DIAPH1: variants seen among roughly 807,000 people sequenced by gnomAD.
DIAPH1 encodes protein diaphanous homolog 1.
A neutral mutation model predicts 140.7 loss-of-function variants in DIAPH1; 46 were observed. The observed-to-expected ratio is 0.33, with a 90% CI of 0.26 to 0.42. The LOEUF (loss-of-function observed/expected upper bound fraction) is 0.42. Ranked by LOEUF, DIAPH1 falls within the 10% of genes least tolerant of loss-of-function variation. The pLI, the probability that DIAPH1 is intolerant of heterozygous loss-of-function variation, is 1.00. For synonymous variants in DIAPH1, 565 were observed against 551.6 expected (o/e 1.02, Z -0.34); for missense variants, 1,310 against 1,558.7 (o/e 0.84, Z 2.69).
Position 141,573,873 on chromosome 5 carries a change from C to T in DIAPH1, c.1977G>A (p.Glu659=). 1 of 1,533,862 alleles carries T rather than the reference C, an allele frequency of 6.5e-7. No homozygotes were observed. The highest frequency in any genetic ancestry group is 8.8e-7 in the Non-Finnish European group (1 of 1,140,682). ...ATIPPPPPLP[E]GVGIPSPSSL... ...AAGAGGGTGAAGGGATGCCAACACC[C>T]TCAGGCAAAGGAGGGGGTGGAGGGA... The change falls in exon 16 of 28, where the codon GAG becomes GAA. Residue 659 remains glutamate (E), a synonymous_variant. Coordinates refer to ENST00000389054, the MANE Select transcript of DIAPH1 (RefSeq NM_005219.5).
At chr5:141,580,190 T>C (rs1362436203) in intron 8 of DIAPH1, among the ~76,000 whole-genome samples, 4 of 152,190 alleles carry the variant, frequency 2.6e-5, no homozygotes, top group Non-Finnish European at 4.4e-5. Context: ...ATCTATCCTA[T>C]ATATGCAGTT....
chr5:141,521,293 G>A (rs1390657223), intron 27 of DIAPH1, among the ~76,000 whole-genome samples: 2 of 152,150 alleles, frequency 1.3e-5, no homozygotes, highest in Admixed American at 1.3e-4. Flanking sequence ...TTATCCCAGT[G>A]AGCAAATGAC....
intron 3 of DIAPH1, among the ~76,000 whole-genome samples, chr5:141,584,790 C>T (rs899169793): frequency 1.3e-5 from 2 of 152,198 alleles, no homozygotes; most frequent in Non-Finnish European, 2.9e-5. Context: ...GATCTTTCTA[C>T]ATATATAACA....
At chr5:141,554,563 G>A (rs2099892265) in intron 18 of DIAPH1, among the ~76,000 whole-genome samples, 1 of 152,112 alleles carries the variant, frequency 6.6e-6, no homozygotes, top group Non-Finnish European at 1.5e-5. Flanking sequence ...CTCATGTTGT[G>A]AGGCTAGCAT....
chr5:141,558,502 G>A (rs2099893000), intron 18 of DIAPH1: 1 of 152,154 alleles, frequency 6.6e-6, no homozygotes, highest in African/African-American at 2.4e-5. Context: ...GAGTAAGTGG[G>A]ATAGAAAAAT....
At chr5:141,582,835 C>T (rs775728143) in intron 6 of DIAPH1, among the ~76,000 whole-genome samples, 4 of 152,112 alleles carry the variant, frequency 2.6e-5, no homozygotes, top group Non-Finnish European at 4.4e-5. Flanking sequence ...TTATTCCAAC[C>T]TTGAAGACTG....
At chr5:141,609,544 A>T (rs1296296517) in intron 1 of DIAPH1, among the ~76,000 whole-genome samples, 1 of 152,200 alleles carries the variant, frequency 6.6e-6, no homozygotes, top group Non-Finnish European at 1.5e-5. Context: ...ATAAAATGGG[A>T]ATAATAACAG....
intron 19 of DIAPH1, among the ~76,000 whole-genome samples, chr5:141,529,903 G>C (rs2099887946): frequency 1.3e-5 from 2 of 151,978 alleles, no homozygotes; most frequent in African/African-American, 2.4e-5. Context: ...AGGCAACATG[G>C]GGAAACCTCA....
intron 1 of DIAPH1, among the ~76,000 whole-genome samples, chr5:141,604,155 C>T (rs775448315): frequency 3.3e-5 from 5 of 152,184 alleles, no homozygotes; most frequent in Admixed American, 1.3e-4. Flanking sequence ...GCAGGCACAC[C>T]GGTATCTTCT....
intron 18 of DIAPH1, among the ~76,000 whole-genome samples, chr5:141,571,177 C>G (rs2099895127): frequency 6.6e-6 from 1 of 152,104 alleles, no homozygotes; most frequent in Non-Finnish European, 1.5e-5. Flanking sequence ...TTACGTTGTC[C>G]CTCACCTTCT....
chr5:141,543,014 T>C (rs1392964985), intron 18 of DIAPH1, among the ~76,000 whole-genome samples: 1 of 151,982 alleles, frequency 6.6e-6, no homozygotes, highest in Non-Finnish European at 1.5e-5. Context: ...ATTTAGAAGA[T>C]GCATGCTGAA....
At chr5:141,594,543 G>A (rs2099899004) in intron 1 of DIAPH1, among the ~76,000 whole-genome samples, 1 of 152,164 alleles carries the variant, frequency 6.6e-6, no homozygotes, top group East Asian at 1.9e-4. Flanking sequence ...GGAGGTTGAG[G>A]CCAGACTGGC....
intron 16 of DIAPH1, among the ~76,000 whole-genome samples, chr5:141,572,996 G>C (rs1016261818): frequency 6.6e-6 from 1 of 152,216 alleles, no homozygotes; most frequent in Non-Finnish European, 1.5e-5. Context: ...AGAACTCTCC[G>C]TGGTGATGTA....
At chr5:141,611,272 G>A (rs2099901802) in intron 1 of DIAPH1, among the ~76,000 whole-genome samples, 1 of 152,068 alleles carries the variant, frequency 6.6e-6, no homozygotes, top group South Asian at 2.1e-4. Flanking sequence ...AAACAAAACA[G>A]AGGAGAAAAC....
chr5:141,584,448 CT>C lies in DIAPH1; in HGVS notation c.301-224del, dbSNP rs3217029. 5.9e-5 allele frequency among the ~76,000 whole-genome samples: 9 copies of C among 152,162 alleles called. No individual in the cohort carries two copies. The South Asian group carries it at 1.2e-3, about 21-fold the overall frequency. On this transcript the variant is annotated intron_variant, in intron 3 of 27. Coordinates refer to ENST00000389054, the MANE Select transcript of DIAPH1 (RefSeq NM_005219.5). ...ATAAATCTCTATAGACATATACACA[CT>C]TTTTTTCTCTAAGAAAAATGGACTC...
At chr5:141,536,704 G>A (rs949361966) in intron 18 of DIAPH1, among the ~76,000 whole-genome samples, 1 of 152,084 alleles carries the variant, frequency 6.6e-6, no homozygotes, top group African/African-American at 2.4e-5. Flanking sequence ...AAACATCCAG[G>A]GGAAAGGGGC....
chr5:141,617,282 T>C (rs1484355353), intron 1 of DIAPH1, among the ~76,000 whole-genome samples: 10 of 149,346 alleles, frequency 6.7e-5, no homozygotes, highest in Non-Finnish European at 1.5e-5. Flanking sequence ...GTCAATACCC[T>C]TAACCTTATA....
In DIAPH1 at chr5:141,578,503, G is replaced by A. The variant is rs763868104; in HGVS notation, c.1044+12C>T. 1.2e-6 allele frequency: 2 copies of A among 1,605,908 alleles called. No individual in the cohort carries two copies. The highest frequency in any genetic ancestry group is 2.2e-5 in the East Asian group (1 of 44,840). Reference sequence around the variant, plus strand: ...ACCAGTCTAGCCTTTCTAATGAAGTGTAATATCTTACCTGCAACACCTGAT... The same window carrying A: ...ACCAGTCTAGCCTTTCTAATGAAGTATAATATCTTACCTGCAACACCTGAT... On this transcript the variant is annotated intron_variant, in intron 10 of 27. Transcript: ENST00000389054.
chr5:141,603,343 A>G (rs1003847032), intron 1 of DIAPH1, among the ~76,000 whole-genome samples: 3 of 152,242 alleles, frequency 2.0e-5, no homozygotes, highest in Non-Finnish European at 4.4e-5. Context: ...TTTGTATGTC[A>G]ATTATACCTC....
Sources: allele counts gnomAD v4.1 joint callset (sites outside exome capture counted in the v4.1 genomes callset), GRCh38; gene constraint gnomAD v4.1.1; transcripts MANE v1.5; gene names NCBI Gene and HGNC (gene_info 2026-07-23, HGNC 2026-07-21).